PRDM11: variants seen among roughly 807,000 people sequenced by gnomAD.
PRDM11 encodes PR domain-containing protein 11.
In PRDM11, 20 loss-of-function variants were observed where a neutral mutation model predicts 97.8. The observed-to-expected ratio is 0.20, with a 90% CI of 0.14 to 0.30. The LOEUF is 0.30. Ranked by LOEUF, PRDM11 falls within the 10% of genes least tolerant of loss-of-function variation. The pLI is 1.00. For synonymous variants in PRDM11, 599 were observed against 637.7 expected (o/e 0.94, Z 0.91); for missense variants, 1,139 against 1,555.2 (o/e 0.73, Z 4.50).
chr11:45,188,656 T>C (rs983879114), intron 4 of PRDM11, among the ~76,000 whole-genome samples: 3 of 152,270 alleles, frequency 2.0e-5, no homozygotes, highest in Non-Finnish European at 2.9e-5. Context: ...GTGGCCTGGC[T>C]GACTTGGCAG....
chr11:45,173,328 TAAA>T (rs1852247188), intron 1 of PRDM11, among the ~76,000 whole-genome samples: 1 of 151,962 alleles, frequency 6.6e-6, no homozygotes, highest in Admixed American at 6.5e-5. Flanking sequence ...AGCAAACACA[TAAA>T]AAAGTTCTGG....
At chr11:45,206,497 C>T (rs1853516608) in intron 5 of PRDM11, among the ~76,000 whole-genome samples, 1 of 152,200 alleles carries the variant, frequency 6.6e-6, no homozygotes. Flanking sequence ...TGCGTGTGTC[C>T]ACTTGGGAAT....
chr11:45,187,276 T>C (rs181930076), intron 4 of PRDM11, among the ~76,000 whole-genome samples: 14 of 152,196 alleles, frequency 9.2e-5, no homozygotes, highest in African/African-American at 2.9e-4. Flanking sequence ...TCTTGAAGGA[T>C]GGATAGACGT....
rs150605316 is a variant in PRDM11, at chr11:45,106,767, G to A, written c.96+10866G>A. Among the ~76,000 whole-genome samples the A allele has an allele frequency of 5.3e-4, 80 of 152,314 alleles. No individual in the cohort carries two copies. The Middle Eastern group carries it at 0.017, about 32-fold the overall frequency. On this transcript the variant is annotated intron_variant, in intron 1 of 6. Coordinates refer to the PRDM11 transcript ENST00000530656. ...AGCACAGCAACTGGGTTCTAAGAGT[G>A]GATGTCGCAGGAGAGCAAGGCAGAA...
chr11:45,121,472 A>G (rs1038482987), intron 1 of PRDM11, among the ~76,000 whole-genome samples: 6 of 152,172 alleles, frequency 3.9e-5, no homozygotes, highest in African/African-American at 1.4e-4. Flanking sequence ...TAAAAAAGAA[A>G]TGGGCAAATT....
chr11:45,177,274 T>G (rs1438440645), intron 1 of PRDM11, among the ~76,000 whole-genome samples: 1 of 152,258 alleles, frequency 6.6e-6, no homozygotes, highest in Non-Finnish European at 1.5e-5. Flanking sequence ...GCAACAAGCC[T>G]AATCTCTGCA....
chr11:45,213,829 C>T (rs777808908), intron 5 of PRDM11: 4 of 425,482 alleles, frequency 9.4e-6, no homozygotes, highest in South Asian at 6.6e-5. Context: ...GCCAGGGTAT[C>T]GGTTTTCCCA....
At chr11:45,149,999 A>G (rs1032334565) in intron 1 of PRDM11, among the ~76,000 whole-genome samples, 1 of 152,090 alleles carries the variant, frequency 6.6e-6, no homozygotes, top group African/African-American at 2.4e-5. Flanking sequence ...TGCATATCTG[A>G]GCTTATAAAC....
chr11:45,229,592 AGAG>A lies in PRDM11; in HGVS notation c.*1437_*1439del, dbSNP rs1429173502. 6.6e-6 allele frequency: 1 copy of A among 152,222 alleles called. No homozygotes were observed. Among genetic ancestry groups the A allele is most frequent in the East Asian group, 1.9e-4 (1 of 5,204 alleles). The allele number at this position is 152,222 out of a possible 1,614,324, so 9.4% of individuals were successfully genotyped here. ...CCTGGGGCAAGTAGTGGTTTAAACT[AGAG>A]GAGTCTGATCAATGCTCTTTCATTC... On this transcript the variant is annotated 3_prime_UTR_variant, in exon 8 of 8. Coordinates refer to ENST00000683152, the MANE Select transcript of PRDM11 (RefSeq NM_001384648.1).
At chr11:45,201,730 G>A (rs1282436585) in intron 4 of PRDM11, among the ~76,000 whole-genome samples, 1 of 152,134 alleles carries the variant, frequency 6.6e-6, no homozygotes, top group Admixed American at 6.5e-5. Flanking sequence ...CACTTTGGGA[G>A]GCCGAGGTGG....
At chr11:45,111,795 C>G (rs957975340) in intron 1 of PRDM11, among the ~76,000 whole-genome samples, 3 of 152,146 alleles carry the variant, frequency 2.0e-5, no homozygotes, top group African/African-American at 7.2e-5. Context: ...AGACTGGACA[C>G]TATGGGTGCC....
rs572023484 is a variant in PRDM11 at position 45,197,188 on chromosome 11, C to A, written c.487-7523C>A. Among the ~76,000 whole-genome samples the A allele has an allele frequency of 4.6e-5, 7 of 152,232 alleles. No individual in the cohort carries two copies. In the South Asian group the frequency reaches 1.5e-3, roughly 32 times the overall value. On this transcript the variant is annotated intron_variant, in intron 4 of 7. Coordinates refer to ENST00000683152, the MANE Select transcript of PRDM11 (RefSeq NM_001384648.1). The stretch of plus-strand genomic sequence containing the variant: ...AAGCAGTAAAAAGAAGGAAATTCTG[C>A]CATTTGCAACAACATGGGTAAACCT...
chr11:45,193,431 C>T (rs1180479247), intron 4 of PRDM11, among the ~76,000 whole-genome samples: 1 of 152,172 alleles, frequency 6.6e-6, no homozygotes, highest in Non-Finnish European at 1.5e-5. Flanking sequence ...CAAGGGTCAG[C>T]AAGTGTTCTC....
Position 45,167,631 on chromosome 11 carries a change from T to C in PRDM11, c.-6-14130T>C, listed in dbSNP as rs564969701. ...ACCAATGTCTCCTTGACCAACTTAA[T>C]TACCTATATCACTAGCAGCAGAAAT... On this transcript the variant is annotated intron_variant, in intron 1 of 7. Coordinates refer to ENST00000683152, the MANE Select transcript of PRDM11 (RefSeq NM_001384648.1). Among the ~76,000 whole-genome samples the C allele has an allele frequency of 3.8e-4, 58 of 152,228 alleles. 1 individual carries two copies. Among genetic ancestry groups the C allele is most frequent in the African/African-American group, 1.4e-3 (58 of 41,524 alleles).
chr11:45,209,265 C>G (rs550228116), intron 5 of PRDM11: 1 of 370,148 alleles, frequency 2.7e-6, no homozygotes, highest in Non-Finnish European at 5.4e-6. Context: ...CAGGGCGGAA[C>G]TGGATGGCAC....
Position 45,163,840 on chromosome 11 carries a change from G to GGGCTTGGA in PRDM11, c.-7+16965_-7+16972dup, listed in dbSNP as rs1175762197. On this transcript the variant is annotated intron_variant, in intron 1 of 7. Coordinates refer to ENST00000683152, the MANE Select transcript of PRDM11 (RefSeq NM_001384648.1). ...GAATACCTTGTCCATTGGGACAACT[G>GGGCTTGGA]GGCTTGGAGTTGAGGGTCAGATTCT... is the stretch of plus-strand genomic sequence containing the variant. Among the ~76,000 whole-genome samples the GGGCTTGGA allele has an allele frequency of 1.1e-4, 17 of 152,334 alleles. No individual in the cohort carries two copies. The South Asian group carries it at 3.5e-3, about 32-fold the overall frequency.
intron 1 of PRDM11, among the ~76,000 whole-genome samples, chr11:45,114,291 G>C (rs1012429187): frequency 6.6e-6 from 1 of 152,070 alleles, no homozygotes; most frequent in East Asian, 1.9e-4. Context: ...GACTTGAAAA[G>C]TACCATATAT....
intron 1 of PRDM11, among the ~76,000 whole-genome samples, chr11:45,122,194 CACACACAG>C (rs199892752): frequency 6.0e-4 from 68 of 112,944 alleles, no homozygotes; most frequent in Admixed American, 2.4e-3. Context: ...CAGACAGACA[CACACACAG>C]ACACACACAC....
intron 1 of PRDM11, among the ~76,000 whole-genome samples, chr11:45,102,755 C>T (rs145194754): frequency 1.3e-5 from 2 of 152,220 alleles, no homozygotes; most frequent in African/African-American, 4.8e-5. Context: ...AAACGCCAGG[C>T]GAGCCTCTGG....
Sources: allele counts gnomAD v4.1 joint callset (sites outside exome capture counted in the v4.1 genomes callset), GRCh38; gene constraint gnomAD v4.1.1; transcripts MANE v1.5; gene names NCBI Gene and HGNC (gene_info 2026-07-23, HGNC 2026-07-21).